The following RGL1 variants were observed in gnomAD, a reference collection of about 807,000 sequenced individuals.
RGL1 encodes ral guanine nucleotide dissociation stimulator like 1, also known as ral guanine nucleotide dissociation stimulator-like 1.
Under a neutral mutation model 95.2 loss-of-function variants are expected in RGL1, and 24 were observed. That is an observed-to-expected ratio of 0.25 (90% CI 0.18 to 0.35). The LOEUF (loss-of-function observed/expected upper bound fraction) is 0.35. RGL1 is among the 10% of genes least tolerant of loss of function. The pLI, the probability that RGL1 is intolerant of heterozygous loss-of-function variation, is 1.00. For missense variants in RGL1, 715 were observed against 936.3 expected (o/e 0.76, Z 3.08); for synonymous variants, 329 against 344.9 (o/e 0.95, Z 0.51).
At position 183,927,964 on chromosome 1, in the gene RGL1, A is replaced by G. The variant is rs538744556; in HGVS notation, c.*1672A>G. ...GAAGAACGGGCCAGGAAGTCCTCCA[A>G]TTTCCTTTGGTCTTTCCAGGAGATT... is the stretch of plus-strand genomic sequence containing the variant. On this transcript the variant is annotated 3_prime_UTR_variant, in exon 18 of 18. Transcript: ENST00000360851. 3.3e-5 allele frequency: 5 copies of G among 152,558 alleles called. No homozygotes were observed. The highest frequency in any genetic ancestry group is 4.8e-5 in the African/African-American group (2 of 41,432). 9.5% of individuals were successfully genotyped at this position (152,558 alleles called of 1,614,324 possible). A position where few individuals can be genotyped will look rare whatever the true frequency, so the allele number is the denominator to read the frequency against.
At chr1:183,854,200 C>T (rs1572506941) in intron 3 of RGL1, among the ~76,000 whole-genome samples, 1 of 152,224 alleles carries the variant, frequency 6.6e-6, no homozygotes, top group East Asian at 1.9e-4. Flanking sequence ...GAGAGCTGTA[C>T]CCAAATAAAA....
chr1:183,656,113 C>CTT (rs60220835), intron 1 of RGL1, among the ~76,000 whole-genome samples: 6 of 145,022 alleles, frequency 4.1e-5, no homozygotes, highest in African/African-American at 7.6e-5. Flanking sequence ...CTTTTCTTTT[C>CTT]TTTTTTTTTT....
intron 9 of RGL1, among the ~76,000 whole-genome samples, chr1:183,896,201 G>A (rs1437170699): frequency 6.6e-6 from 1 of 152,192 alleles, no homozygotes. Context: ...TCTAGCACAG[G>A]AAAGGCGCAT....
intron 1 of RGL1, among the ~76,000 whole-genome samples, chr1:183,668,053 T>G (rs1652170367): frequency 6.6e-6 from 1 of 152,106 alleles, no homozygotes; most frequent in African/African-American, 2.4e-5. Context: ...GCATTGTTGC[T>G]AATATCCTTT....
intron 4 of RGL1, among the ~76,000 whole-genome samples, chr1:183,866,486 C>G (rs1036832695): frequency 1.3e-5 from 2 of 152,076 alleles, no homozygotes; most frequent in Non-Finnish European, 2.9e-5. Context: ...TGGAGCACGC[C>G]GAAATGAGGT....
intron 2 of RGL1, among the ~76,000 whole-genome samples, chr1:183,832,267 T>C (rs937469837): frequency 6.6e-6 from 1 of 152,180 alleles, no homozygotes; most frequent in Non-Finnish European, 1.5e-5. Flanking sequence ...GATCTGTACA[T>C]TTATGACTTG....
chr1:183,870,120 A>G (rs1038805669), intron 4 of RGL1, among the ~76,000 whole-genome samples: 1 of 152,172 alleles, frequency 6.6e-6, no homozygotes, highest in Non-Finnish European at 1.5e-5. Flanking sequence ...ACACTGTTTT[A>G]ATGAGTGCCT....
At chr1:183,854,157 G>A (rs2102557349) in intron 3 of RGL1, among the ~76,000 whole-genome samples, 1 of 152,234 alleles carries the variant, frequency 6.6e-6, no homozygotes, top group East Asian at 1.9e-4. Flanking sequence ...GAGATAAAAG[G>A]TTCTATAACA....
intron 2 of RGL1, among the ~76,000 whole-genome samples, chr1:183,767,257 A>G (rs1222008469): frequency 6.6e-6 from 1 of 151,474 alleles, no homozygotes; most frequent in Non-Finnish European, 1.5e-5. Flanking sequence ...GAAACTAAAG[A>G]ACATCAATGT....
intron 1 of RGL1, among the ~76,000 whole-genome samples, chr1:183,658,742 G>A (rs1035491770): frequency 7.9e-5 from 12 of 152,118 alleles, no homozygotes; most frequent in South Asian, 4.1e-4. Context: ...ATCTGAGAAC[G>A]GGCAGACTGC....
intron 1 of RGL1, among the ~76,000 whole-genome samples, chr1:183,806,168 A>G (rs1159841106): frequency 6.6e-6 from 1 of 151,998 alleles, no homozygotes; most frequent in East Asian, 1.9e-4. Context: ...GGGGATCCTG[A>G]TACCACAGGA....
intron 1 of RGL1, among the ~76,000 whole-genome samples, chr1:183,720,197 A>G (rs926847308): frequency 6.6e-6 from 1 of 152,254 alleles, no homozygotes; most frequent in Admixed American, 6.5e-5. Context: ...ATGAATCACC[A>G]GGGAGTTATA....
chr1:183,883,834 T>C lies in RGL1; in HGVS notation c.659T>C (p.Leu220Pro). 1 of 1,614,102 alleles carries C rather than the reference T, an allele frequency of 6.2e-7. No individual in the cohort carries two copies. The highest frequency in any genetic ancestry group is 8.5e-7 in the Non-Finnish European group (1 of 1,179,924). ...TTCAGCCTGGAAGAGGAAGAGGAAC[T>C]GGAGGGTGGAGAGTCAGCAGAATTC... ...ISFSLEEEEE[L>P]EGGESAEFTC... The change falls in exon 6 of 18, where the codon CTG (leucine) becomes CCG (proline). Residue 220 changes from leucine (L) to proline (P), a missense_variant. By Grantham distance (98) the Leu-to-Pro change is moderately conservative. Transcript: ENST00000360851.
At chr1:183,675,334 ATCCT>A (rs747929137) in intron 1 of RGL1, among the ~76,000 whole-genome samples, 81 of 143,960 alleles carry the variant, frequency 5.6e-4, no homozygotes, top group African/African-American at 1.4e-3. Flanking sequence ...CTTTCCCTCT[ATCCT>A]TCCTTCCTTC....
intron 2 of RGL1, among the ~76,000 whole-genome samples, chr1:183,825,986 G>C (rs1662816815): frequency 6.8e-6 from 1 of 146,790 alleles, no homozygotes; most frequent in Non-Finnish European, 1.5e-5. Flanking sequence ...AAAATACTGA[G>C]ACCCTGTTTC....
intron 2 of RGL1, among the ~76,000 whole-genome samples, chr1:183,841,281 T>C (rs1464948897): frequency 6.6e-6 from 1 of 152,240 alleles, no homozygotes; most frequent in Non-Finnish European, 1.5e-5. Flanking sequence ...AATAGGTTTT[T>C]TTAGTATGCA....
intron 2 of RGL1, among the ~76,000 whole-genome samples, chr1:183,744,526 C>T (rs1215611415): frequency 6.6e-6 from 1 of 152,178 alleles, no homozygotes; most frequent in Non-Finnish European, 1.5e-5. Context: ...ATGCTTGTCT[C>T]ACTCCAGTCC....
At chr1:183,822,707 C>T (rs1385168348) in intron 2 of RGL1, among the ~76,000 whole-genome samples, 2 of 152,154 alleles carry the variant, frequency 1.3e-5, no homozygotes, top group African/African-American at 4.8e-5. Context: ...TGTTTGTTTA[C>T]TCACTCACTC....
chr1:183,842,293 A>ATT lies in RGL1; in HGVS notation c.139-5273_139-5272insTT, dbSNP rs1454879570. 6.6e-5 allele frequency among the ~76,000 whole-genome samples: 10 copies of ATT among 151,936 alleles called. No individual in the cohort carries two copies. In the South Asian group the frequency reaches 2.1e-3, roughly 32 times the overall value. ...TGTTTGCTTAACACGTTCCCTGTTA[A>ATT]ACTATCAGATGACTGAATTATTATT... is the stretch of plus-strand genomic sequence containing the variant. On this transcript the variant is annotated intron_variant, in intron 2 of 17. Transcript: ENST00000360851.
Sources: gnomAD v4.1 joint callset for allele counts (sites outside exome capture counted in the v4.1 genomes callset) on GRCh38, gnomAD v4.1.1 for gene constraint, MANE v1.5 for transcripts, NCBI Gene and HGNC (gene_info 2026-07-23, HGNC 2026-07-21) for gene names.